The following KIF21A variants were observed in gnomAD, a reference collection of about 807,000 sequenced individuals.
KIF21A encodes the protein kinesin-like protein KIF21A.
KIF21A carries 114 observed loss-of-function variants against 202.9 expected under a neutral mutation model. That is an observed-to-expected ratio of 0.56 (90% CI 0.48 to 0.66). The LOEUF is 0.66. KIF21A is among the 30% of genes least tolerant of loss of function. The pLI, the probability that KIF21A is intolerant of heterozygous loss-of-function variation, is 0.00. For synonymous variants in KIF21A, 667 were observed against 670.8 expected, an observed-to-expected ratio of 0.99 and a Z score of 0.09; for missense variants, 1,677 against 1,994.9, an observed-to-expected ratio of 0.84 and a Z score of 3.04.
Position 39,302,952 on chromosome 12 carries a change from G to A in KIF21A, c.4731+13C>T. 6.2e-7 allele frequency: 1 copy of A among 1,610,464 alleles called. No homozygotes were observed. The highest frequency in any genetic ancestry group is 8.5e-7 in the Non-Finnish European group (1 of 1,177,126). The stretch of plus-strand genomic sequence containing the variant: ...AAATGCCCACTCTATACCATGAAAA[G>A]GTTCTGCATTACCTGAAGAAGGTCT... On this transcript the variant is annotated intron_variant, in intron 36 of 37. Transcript: ENST00000361418.
intron 37 of KIF21A, among the ~76,000 whole-genome samples, chr12:39,300,690 T>C (rs937030638): frequency 6.6e-6 from 1 of 152,126 alleles, no homozygotes; most frequent in Non-Finnish European, 1.5e-5. Context: ...AAAGTACATA[T>C]ATATATGTAC....
rs186677428 is a variant in KIF21A at position 39,300,360 on chromosome 12, T to C, written c.4931+1120A>G. ...TCTTGGAAATAGCATCAATGAAGCATCAAAGGTAAGCACGTTAGAAAAACA... is the reference window on the plus strand; with the variant it reads ...TCTTGGAAATAGCATCAATGAAGCACCAAAGGTAAGCACGTTAGAAAAACA... On this transcript the variant is annotated intron_variant, in intron 37 of 37. Coordinates refer to ENST00000361418, the MANE Select transcript of KIF21A (RefSeq NM_001173464.2). 9.9e-5 allele frequency among the ~76,000 whole-genome samples: 15 copies of C among 152,142 alleles called. No homozygotes were observed. In the East Asian group the frequency reaches 2.1e-3, roughly 22 times the overall value.
At chr12:39,332,457 T>C in intron 20 of KIF21A, 49 bp from the exon 21 acceptor site, 1 of 1,590,288 alleles carries the variant, frequency 6.3e-7, no homozygotes. Flanking sequence ...CACTTATTTA[T>C]ATACAGTACC....
intron 1 of KIF21A, among the ~76,000 whole-genome samples, chr12:39,377,416 T>C (rs572958611): frequency 3.9e-4 from 59 of 152,244 alleles, no homozygotes; most frequent in South Asian, 4.1e-4. Flanking sequence ...GGGTTTCTGG[T>C]CCCTTTTTAA....
chr12:39,310,206 T>A (rs1239752527), intron 32 of KIF21A, among the ~76,000 whole-genome samples: 2 of 152,096 alleles, frequency 1.3e-5, no homozygotes, highest in Non-Finnish European at 2.9e-5. Flanking sequence ...TAAATTATAT[T>A]TTTATTTTTG....
At chr12:39,394,762 G>T (rs1051423903) in intron 1 of KIF21A, among the ~76,000 whole-genome samples, 4 of 152,082 alleles carry the variant, frequency 2.6e-5, no homozygotes, top group African/African-American at 9.7e-5. Flanking sequence ...TTCTCACAGC[G>T]ACCTAATATA....
intron 1 of KIF21A, among the ~76,000 whole-genome samples, chr12:39,416,929 A>C (rs1953805953): frequency 6.6e-6 from 1 of 150,514 alleles, no homozygotes; most frequent in Non-Finnish European, 1.5e-5. Flanking sequence ...ATATAAATAA[A>C]AAAATTTTAA....
At chr12:39,441,295 C>T (rs1050569389) in intron 1 of KIF21A, among the ~76,000 whole-genome samples, 1 of 152,124 alleles carries the variant, frequency 6.6e-6, no homozygotes, top group Non-Finnish European at 1.5e-5. Context: ...ACAGAATGGT[C>T]AACAAACTGC....
chr12:39,305,219 A>AGCC (rs1432220639), intron 34 of KIF21A, among the ~76,000 whole-genome samples: 3 of 151,850 alleles, frequency 2.0e-5, no homozygotes, highest in Non-Finnish European at 4.4e-5. Context: ...TATAAAAATT[A>AGCC]GCCGGATGTG....
Position 39,341,028 on chromosome 12 carries a change from T to C in KIF21A, c.1988A>G (p.Glu663Gly). Residue 663 changes from glutamate (E) to glycine (G), a missense_variant, in exon 15 of 38, where the codon GAA becomes GGA. Glu to Gly is a moderately conservative substitution (Grantham distance 98, BLOSUM62 -2). Coordinates refer to ENST00000361418, the MANE Select transcript of KIF21A (RefSeq NM_001173464.2). ...EIAIKQKLID[E>G]LENSQKRLQT... The stretch of plus-strand genomic sequence containing the variant: ...CAGTCTTTTCTGGCTGTTTTCTAGT[T>C]CATCAATCAGCTTTTGCTTAATTGC... The C allele has an allele frequency of 6.2e-7, 1 of 1,612,532 alleles. No individual in the cohort carries two copies. Among genetic ancestry groups the C allele is most frequent in the Non-Finnish European group, 8.5e-7 (1 of 1,179,052 alleles).
rs142395689 is a variant in KIF21A at position 39,328,046 on chromosome 12, A to C, written c.3341-1722T>G. On this transcript the variant is annotated intron_variant, in intron 24 of 37. Transcript: ENST00000361418. The stretch of plus-strand genomic sequence containing the variant: ...TTCTGTATACTAATTATATATTTAA[A>C]AATTTAACATTGCAGCCCCTGAGAC... Among the ~76,000 whole-genome samples the C allele has an allele frequency of 8.3e-4, 127 of 152,272 alleles. 1 individual carries two copies. Among genetic ancestry groups the C allele is most frequent in the African/African-American group, 3.0e-3 (125 of 41,566 alleles).
intron 22 of KIF21A, 71 bp downstream of exon 22, chr12:39,331,619 A>G: frequency 1.0e-6 from 1 of 1,004,602 alleles, no homozygotes; most frequent in Non-Finnish European, 1.6e-6. Context: ...GGGTTACTAC[A>G]GAAAGATAAA....
chr12:39,378,486 G>A (rs78711271), intron 1 of KIF21A, among the ~76,000 whole-genome samples: 2,407 of 152,238 alleles, frequency 0.016, 53 homozygotes, highest in African/African-American at 0.054. Flanking sequence ...CCTTTCTCCC[G>A]GAAATAGAAA....
At chr12:39,303,269 G>T in intron 35 of KIF21A, 134 bp from the exon 36 acceptor site, 1 of 728,678 alleles carries the variant, frequency 1.4e-6, no homozygotes. Flanking sequence ...TTTCTGGTTT[G>T]TTAAATGTTT....
chr12:39,337,238 C>T (rs1947058151), intron 16 of KIF21A, 35 bp from the exon 17 acceptor site: 3 of 1,288,394 alleles, frequency 2.3e-6, no homozygotes, highest in African/African-American at 1.5e-5. Flanking sequence ...ATTGAAATTA[C>T]TCTGTCACAA....
intron 19 of KIF21A, 22 bp downstream of exon 19, chr12:39,332,871 G>A: frequency 6.2e-7 from 1 of 1,610,538 alleles, no homozygotes; most frequent in Non-Finnish European, 8.5e-7. Flanking sequence ...GATTACATCA[G>A]CAGGAACAGA....
chr12:39,330,388 C>T, intron 23 of KIF21A, 126 bp from the exon 24 acceptor site: 1 of 830,812 alleles, frequency 1.2e-6, no homozygotes, highest in Non-Finnish European at 2.0e-6. Context: ...CCATAGCAAA[C>T]ACTTATAAGT....
chr12:39,341,075 C>G lies in KIF21A; in HGVS notation c.1941G>C (p.Leu647Phe). ...TTGCAATTTCACAAGTAATGTTTGC[C>G]AAGTCTGCTTGATAATTGGCTATTT... ...SDEKANYQAD[L>F]ANITCEIAIK... Residue 647 changes from leucine to phenylalanine, a missense_variant, in exon 15 of 38, where the codon TTG becomes TTC. By Grantham distance (22) the Leu-to-Phe change is conservative (BLOSUM62 0). This residue lies in a region of KIF21A where 966 missense variants were observed against 1,180.9 expected (regional missense o/e 0.82). Transcript: ENST00000361418. The G allele has an allele frequency of 6.2e-7, 1 of 1,607,202 alleles. No individual in the cohort carries two copies. Among genetic ancestry groups the G allele is most frequent in the Non-Finnish European group, 8.5e-7 (1 of 1,175,732 alleles).
chr12:39,303,162 T>C (rs781653641), intron 35 of KIF21A, 27 bp from the exon 36 acceptor site: 3 of 1,610,422 alleles, frequency 1.9e-6, no homozygotes, highest in Admixed American at 1.7e-5. Flanking sequence ...AAAGCAGTTA[T>C]CCTATTTAAC....
Sources: allele counts gnomAD v4.1 joint callset (sites outside exome capture counted in the v4.1 genomes callset), GRCh38; gene constraint gnomAD v4.1.1; regional missense constraint gnomAD v4.1.1; transcripts MANE v1.5; gene names NCBI Gene and HGNC (gene_info 2026-07-23, HGNC 2026-07-21).